Variants in COL8A1 observed in about 807,000 individuals in gnomAD.
COL8A1 encodes collagen alpha-1(VIII) chain.
A neutral mutation model predicts 42.7 loss-of-function variants in COL8A1; 21 were observed. The ratio of observed to expected loss-of-function variants is 0.49; its 90% CI spans 0.35 to 0.71. COL8A1 has a LOEUF of 0.71. Ranked by LOEUF, COL8A1 falls within the 30% of genes least tolerant of loss-of-function variation. The pLI is 0.01. For synonymous variants in COL8A1, 367 were observed against 369.1 expected (o/e 0.99, Z 0.06); for missense variants, 788 against 962.4 (o/e 0.82, Z 2.40).
chr3:99,693,185 T>C (rs1939272589), intron 1 of COL8A1, among the ~76,000 whole-genome samples: 1 of 152,248 alleles, frequency 6.6e-6, no homozygotes, highest in Admixed American at 6.5e-5. Flanking sequence ...CGAGACTCTG[T>C]CTAAAAAAAC....
intron 1 of COL8A1, among the ~76,000 whole-genome samples, chr3:99,657,917 C>T (rs1938075041): frequency 1.3e-5 from 2 of 152,062 alleles, no homozygotes; most frequent in South Asian, 2.1e-4. Flanking sequence ...ATCACAAGGT[C>T]AGGAGTTTGA....
intron 3 of COL8A1, among the ~76,000 whole-genome samples, chr3:99,793,163 A>G (rs1942033935): frequency 6.6e-6 from 1 of 152,204 alleles, no homozygotes; most frequent in African/African-American, 2.4e-5. Flanking sequence ...TGAAAGGTTT[A>G]AAGCCTCAGT....
At position 99,795,595 on chromosome 3, in the gene COL8A1, C is replaced by G; in HGVS notation, c.1694C>G (p.Pro565Arg). ...QPGLPGPPGP[P>R]GPPGPPAVMP... ...GGCCTTCCAGGACCCCCAGGCCCTC[C>G]AGGACCTCCAGGACCCCCAGCTGTG... The change falls in exon 4 of 4, where the codon CCA (proline) becomes CGA (arginine). Residue 565 changes from proline to arginine, a missense_variant. Transcript: ENST00000652472. 3.1e-6 allele frequency: 5 copies of G among 1,612,078 alleles called. No individual in the cohort carries two copies. The highest frequency in any genetic ancestry group is 4.2e-6 in the Non-Finnish European group (5 of 1,178,812).
rs543372538 is a variant in COL8A1, at chr3:99,700,224, C to T, written c.-128-44673C>T. Among the ~76,000 whole-genome samples the T allele has an allele frequency of 3.6e-4, 55 of 151,854 alleles. 2 individuals are homozygous for T. The South Asian group carries it at 0.011, about 29-fold the overall frequency. ...TTTATAGATGCAGAGCATGAAATAG[C>T]GTGAAATGCACGTATACCTATGTAA... is the stretch of plus-strand genomic sequence containing the variant. On this transcript the variant is annotated intron_variant, in intron 1 of 3. Coordinates refer to ENST00000652472, the MANE Select transcript of COL8A1 (RefSeq NM_020351.4).
In COL8A1 at chr3:99,794,003, G is replaced by A. The variant is rs1942052920; in HGVS notation, c.329-227G>A. Reference sequence around the variant, plus strand: ...CTGACTTCAGGTGATGCATCTGCCTGGGCCTCCCAAAGTTGTAGGATTACA... The same window carrying A: ...CTGACTTCAGGTGATGCATCTGCCTAGGCCTCCCAAAGTTGTAGGATTACA... On this transcript the variant is annotated intron_variant, in intron 3 of 3. Coordinates refer to ENST00000652472, the MANE Select transcript of COL8A1 (RefSeq NM_020351.4). This position sits in a 1 kb window ranked among gnomAD's most constrained non-coding sequence, Gnocchi z 4.3. 6.6e-6 allele frequency among the ~76,000 whole-genome samples: 1 copy of A among 152,142 alleles called. No individual in the cohort carries two copies. Among genetic ancestry groups the A allele is most frequent in the Admixed American group, 6.5e-5 (1 of 15,280 alleles).
intron 1 of COL8A1, among the ~76,000 whole-genome samples, chr3:99,666,793 T>C (rs976936202): frequency 5.9e-5 from 9 of 152,192 alleles, no homozygotes; most frequent in African/African-American, 2.2e-4. Context: ...AGAAAAATAT[T>C]TGTGTAATGA....
At chr3:99,791,564 T>C (rs970804248) in intron 3 of COL8A1, among the ~76,000 whole-genome samples, 6 of 152,248 alleles carry the variant, frequency 3.9e-5, no homozygotes, top group Non-Finnish European at 8.8e-5. Context: ...AGACTGCATC[T>C]AGGGATGACA....
intron 1 of COL8A1, chr3:99,691,616 C>T (rs1230901269): frequency 6.6e-6 from 1 of 151,484 alleles, no homozygotes; most frequent in Non-Finnish European, 1.5e-5. Context: ...CCCCTCAGAC[C>T]ACTCTCTACC....
At chr3:99,719,209 CTAT>C (rs1024030916) in intron 1 of COL8A1, among the ~76,000 whole-genome samples, 1 of 152,012 alleles carries the variant, frequency 6.6e-6, no homozygotes, top group African/African-American at 2.4e-5. Context: ...TTGATCATTA[CTAT>C]TATTATTATC....
At chr3:99,670,358 A>G (rs565657467) in intron 1 of COL8A1, among the ~76,000 whole-genome samples, 3 of 152,200 alleles carry the variant, frequency 2.0e-5, no homozygotes, top group South Asian at 4.1e-4. Flanking sequence ...GTCAGACCTA[A>G]TAATAGTCAA....
intron 2 of COL8A1, among the ~76,000 whole-genome samples, chr3:99,758,450 C>T (rs189497225): frequency 1.3e-5 from 2 of 152,184 alleles, no homozygotes. Flanking sequence ...CTGAGCAGAG[C>T]TCCTCTTGAA....
At chr3:99,712,469 C>T (rs190145180) in intron 1 of COL8A1, among the ~76,000 whole-genome samples, 2 of 152,114 alleles carry the variant, frequency 1.3e-5, no homozygotes, top group Non-Finnish European at 1.5e-5. Flanking sequence ...CCCAGCCTGT[C>T]GGACATCCGG....
At chr3:99,639,914 T>C (rs1337955524) in intron 1 of COL8A1, among the ~76,000 whole-genome samples, 1 of 152,224 alleles carries the variant, frequency 6.6e-6, no homozygotes, top group Non-Finnish European at 1.5e-5. Context: ...TATTTTTTTG[T>C]TTGTTTATAT....
At chr3:99,728,798 G>A (rs903460523) in intron 1 of COL8A1, among the ~76,000 whole-genome samples, 3 of 151,880 alleles carry the variant, frequency 2.0e-5, no homozygotes. Context: ...CCAAGCAAAG[G>A]AATCCACTTA....
chr3:99,760,448 G>A (rs906206798), intron 2 of COL8A1, among the ~76,000 whole-genome samples: 1 of 152,156 alleles, frequency 6.6e-6, no homozygotes, highest in Admixed American at 6.5e-5. Flanking sequence ...CAGCTAGAAA[G>A]AATTTTGCTG....
At chr3:99,704,795 G>GT (rs1939634322) in intron 1 of COL8A1, among the ~76,000 whole-genome samples, 1 of 152,148 alleles carries the variant, frequency 6.6e-6, no homozygotes, top group Admixed American at 6.5e-5. Flanking sequence ...ACCTCTAGGA[G>GT]TGCTGCAGGC....
intron 1 of COL8A1, among the ~76,000 whole-genome samples, chr3:99,661,130 G>A (rs1938190434): frequency 6.6e-6 from 1 of 152,064 alleles, no homozygotes; most frequent in South Asian, 2.1e-4. Flanking sequence ...AAATAATGGT[G>A]TTCATCAAAG....
intron 1 of COL8A1, among the ~76,000 whole-genome samples, chr3:99,665,473 T>A (rs1938337363): frequency 6.6e-6 from 1 of 152,176 alleles, no homozygotes; most frequent in Admixed American, 6.5e-5. Flanking sequence ...GATTGGTGAA[T>A]CTTTTTAGAC....
chr3:99,777,301 T>C (rs965314840), intron 2 of COL8A1, among the ~76,000 whole-genome samples: 6 of 152,134 alleles, frequency 3.9e-5, no homozygotes, highest in Admixed American at 3.9e-4. Flanking sequence ...GCCAGAAACC[T>C]ATAGAAGCTG....
Sources: gnomAD v4.1 joint callset for allele counts (sites outside exome capture counted in the v4.1 genomes callset) on GRCh38, gnomAD v4.1.1 for gene constraint, Gnocchi (gnomAD v3.1) non-coding constraint, MANE v1.5 for transcripts, NCBI Gene and HGNC (gene_info 2026-07-23, HGNC 2026-07-21) for gene names.